USH2A: variants seen among roughly 807,000 people sequenced by gnomAD.
The protein encoded by USH2A is Usher syndrome 2A (autosomal recessive, mild).
Under a neutral mutation model 538.9 loss-of-function variants are expected in USH2A, and 443 were observed. That is an observed-to-expected ratio of 0.82 (90% CI 0.76 to 0.89). USH2A has a LOEUF of 0.89. USH2A is among the 40% of genes least tolerant of loss of function. The probability of loss-of-function intolerance (pLI) is 0.00; values close to 1 mark genes in which losing one functional copy is unlikely to be tolerated. For synonymous variants in USH2A, 2,413 were observed against 2,273.5 expected, an observed-to-expected ratio of 1.06 and a Z score of -1.75; for missense variants, 6,633 against 6,324.8, an observed-to-expected ratio of 1.05 and a Z score of -1.65.
At chr1:216,366,102 G>A (rs2038590922) in intron 3 of USH2A, among the ~76,000 whole-genome samples, 1 of 152,092 alleles carries the variant, frequency 6.6e-6, no homozygotes, top group Non-Finnish European at 1.5e-5. Context: ...TTGTTCAAGT[G>A]CTTTTAGCTT....
In USH2A at chr1:216,421,961, T is replaced by C. The variant is rs1188904349; in HGVS notation, c.376A>G (p.Ser126Gly). 2.5e-6 allele frequency: 4 copies of C among 1,613,818 alleles called. No individual in the cohort carries two copies. The highest frequency in any genetic ancestry group is 4.5e-5 in the East Asian group (2 of 44,882). Residue 126 changes from serine to glycine, a missense_variant, in exon 2 of 72, where the codon AGT becomes GGT. By Grantham distance (56) the Ser-to-Gly change is moderately conservative. Transcript: ENST00000307340. ...LHPNAHSNSA[S>G]FIFGNHKSCF... is the part of the protein sequence containing the mutation. Reference sequence around the variant, plus strand: ...CTCTTGTGATTTCCAAAAATAAAACTTGCAGAATTGCTATGGGCGTTAGGA... The same window carrying C: ...CTCTTGTGATTTCCAAAAATAAAACCTGCAGAATTGCTATGGGCGTTAGGA...
intron 20 of USH2A, among the ~76,000 whole-genome samples, chr1:216,188,548 C>T (rs182312308): frequency 1.3e-4 from 19 of 151,842 alleles, no homozygotes; most frequent in Admixed American, 5.3e-4. Flanking sequence ...ATTAGGTTAA[C>T]GACAGCCCCC....
At chr1:216,119,720 G>A (rs950760439) in intron 21 of USH2A, among the ~76,000 whole-genome samples, 2 of 152,038 alleles carry the variant, frequency 1.3e-5, no homozygotes, top group African/African-American at 4.8e-5. Flanking sequence ...TCTCCTTCCA[G>A]ACTACCTTCT....
At chr1:216,105,091 A>G (rs2032698645) in intron 21 of USH2A, among the ~76,000 whole-genome samples, 1 of 152,196 alleles carries the variant, frequency 6.6e-6, no homozygotes, top group South Asian at 2.1e-4. Flanking sequence ...AGAGAAATGC[A>G]AATCAAAACC....
chr1:216,099,406 C>G (rs2102575033), intron 21 of USH2A, among the ~76,000 whole-genome samples: 1 of 152,230 alleles, frequency 6.6e-6, no homozygotes, highest in South Asian at 2.1e-4. Flanking sequence ...ATTGTTCTCT[C>G]TCATCTCCCC....
chr1:216,198,176 A>G (rs556725479), intron 18 of USH2A, 139 bp downstream of exon 18: 1 of 1,234,322 alleles, frequency 8.1e-7, no homozygotes, highest in Non-Finnish European at 1.1e-6. Flanking sequence ...AAATCCATAT[A>G]TATGAAAATT....
At chr1:216,184,360 G>A (rs1420703128) in intron 20 of USH2A, among the ~76,000 whole-genome samples, 1 of 151,826 alleles carries the variant, frequency 6.6e-6, no homozygotes, top group African/African-American at 2.4e-5. Flanking sequence ...AGATTCATGA[G>A]TCCATACATC....
chr1:215,692,317 G>A (rs1231808033), intron 61 of USH2A, among the ~76,000 whole-genome samples: 1 of 152,130 alleles, frequency 6.6e-6, no homozygotes, highest in Non-Finnish European at 1.5e-5. Context: ...ACAGGAACAG[G>A]AGATGGTAGC....
intron 21 of USH2A, among the ~76,000 whole-genome samples, chr1:216,109,676 T>C (rs2032819873): frequency 6.6e-6 from 1 of 152,200 alleles, no homozygotes; most frequent in Admixed American, 6.6e-5. Flanking sequence ...CCAGTCAATT[T>C]GTAGATTGTT....
At chr1:216,013,710 A>C (rs1558212112) in intron 32 of USH2A, among the ~76,000 whole-genome samples, 1 of 150,542 alleles carries the variant, frequency 6.6e-6, no homozygotes, top group Admixed American at 6.6e-5. Context: ...CTTTGACTGT[A>C]ATTTTCCTTT....
chr1:215,885,891 C>G (rs902109175), intron 41 of USH2A, among the ~76,000 whole-genome samples: 1 of 152,170 alleles, frequency 6.6e-6, no homozygotes, highest in African/African-American at 2.4e-5. Context: ...AGCTGGCATT[C>G]CATATTTCTC....
chr1:215,965,923 TCACACACACACA>T (rs34484768), intron 36 of USH2A, among the ~76,000 whole-genome samples: 45 of 142,574 alleles, frequency 3.2e-4, no homozygotes, highest in African/African-American at 6.3e-4. Context: ...CTCTTCTCTG[TCACACACACACA>T]CACACACACA....
At chr1:216,039,608 A>G (rs1283097111) in intron 32 of USH2A, among the ~76,000 whole-genome samples, 1 of 152,060 alleles carries the variant, frequency 6.6e-6, no homozygotes, top group Non-Finnish European at 1.5e-5. Context: ...TATGCAAAAT[A>G]AAGAAAATAT....
At chr1:215,917,707 G>T (rs182053827) in intron 38 of USH2A, among the ~76,000 whole-genome samples, 48 of 146,984 alleles carry the variant, frequency 3.3e-4, no homozygotes, top group African/African-American at 9.8e-4. Context: ...ATTTTGGGAG[G>T]CTGAGATGGG....
chr1:216,188,583 G>A (rs1028209580), intron 20 of USH2A, among the ~76,000 whole-genome samples: 3 of 151,860 alleles, frequency 2.0e-5, no homozygotes, highest in African/African-American at 7.2e-5. Flanking sequence ...AGAATGTTGA[G>A]TAGAAGTTAC....
chr1:215,672,278 C>G (rs1416174379), intron 63 of USH2A, among the ~76,000 whole-genome samples: 3 of 151,966 alleles, frequency 2.0e-5, no homozygotes, highest in Non-Finnish European at 4.4e-5. Context: ...TAGTTCTAGC[C>G]TTTTCCTCTT....
chr1:216,121,044 AT>A, intron 21 of USH2A, among the ~76,000 whole-genome samples: 1 of 152,320 alleles, frequency 6.6e-6, no homozygotes, highest in East Asian at 1.9e-4. Flanking sequence ...GTATTTGAAC[AT>A]TTATTTAAGA....
chr1:215,798,040 C>A (rs1662194402), intron 50 of USH2A, among the ~76,000 whole-genome samples: 1 of 152,020 alleles, frequency 6.6e-6, no homozygotes, highest in Non-Finnish European at 1.5e-5. Flanking sequence ...TTGATTCCAA[C>A]CCTCATGGAT....
chr1:215,769,104 G>T (rs1661212038), intron 55 of USH2A, among the ~76,000 whole-genome samples: 1 of 152,162 alleles, frequency 6.6e-6, no homozygotes, highest in South Asian at 2.1e-4. Context: ...TTTTTTAGTT[G>T]CAGAATATTA....
Sources: gnomAD v4.1 joint callset for allele counts (sites outside exome capture counted in the v4.1 genomes callset) on GRCh38, gnomAD v4.1.1 for gene constraint, MANE v1.5 for transcripts, NCBI Gene and HGNC (gene_info 2026-07-23, HGNC 2026-07-21) for gene names.